Variants in COL23A1 observed in about 807,000 individuals in gnomAD.
COL23A1 encodes collagen alpha-1(XXIII) chain.
COL23A1 carries 97 observed loss-of-function variants against 99.3 expected under a neutral mutation model. That is an observed-to-expected ratio of 0.98 (90% CI 0.83 to 1.16). The LOEUF (loss-of-function observed/expected upper bound fraction) is 1.16. Among genes scored for constraint, COL23A1 ranks in the 50% most tolerant of loss-of-function variants. The pLI is 0.00. For missense variants in COL23A1, 762 were observed against 757.4 expected (o/e 1.01, Z -0.07); for synonymous variants, 320 against 308.2 (o/e 1.04, Z -0.40).
In COL23A1 at chr5:178,379,085, A is replaced by C. The variant is rs147452774; in HGVS notation, c.362-72166T>G. 5.3e-5 allele frequency among the ~76,000 whole-genome samples: 8 copies of C among 152,268 alleles called. No individual in the cohort carries two copies. In the East Asian group the frequency reaches 1.3e-3, roughly 26 times the overall value. On this transcript the variant is annotated intron_variant, in intron 2 of 28. Coordinates refer to ENST00000390654, the MANE Select transcript of COL23A1 (RefSeq NM_173465.4). The stretch of plus-strand genomic sequence containing the variant: ...TGTCTGGTTATGGGAGCTGCCCCAG[A>C]AGGATTCTGAATTCTGCACACGTCA...
At chr5:178,376,460 A>C (rs1763077290) in intron 2 of COL23A1, among the ~76,000 whole-genome samples, 1 of 152,182 alleles carries the variant, frequency 6.6e-6, no homozygotes, top group Non-Finnish European at 1.5e-5. Flanking sequence ...GAGGCCCCCC[A>C]CTGCCTGGTG....
intron 2 of COL23A1, chr5:178,438,573 T>C (rs1336362476): frequency 6.6e-6 from 1 of 152,158 alleles, no homozygotes; most frequent in Non-Finnish European, 1.5e-5. Flanking sequence ...CAAAAATACC[T>C]TGAAATTCCT....
At chr5:178,317,892 G>C (rs1179277417) in intron 2 of COL23A1, among the ~76,000 whole-genome samples, 1 of 152,130 alleles carries the variant, frequency 6.6e-6, no homozygotes, top group Admixed American at 6.5e-5. Flanking sequence ...CCAAGCAAAA[G>C]GGGAAACCCC....
rs765379777 is a variant in COL23A1 at position 178,252,621 on chromosome 5, C to T, written c.961-24G>A. ...CCCTGTGTGTGAGAGTGAAGCCGGTCAGTGTCATGGGTTAGGCAGGGCCTC... is the reference window on the plus strand; with the variant it reads ...CCCTGTGTGTGAGAGTGAAGCCGGTTAGTGTCATGGGTTAGGCAGGGCCTC... On this transcript the variant is annotated intron_variant, in intron 16 of 28. Coordinates refer to ENST00000390654, the MANE Select transcript of COL23A1 (RefSeq NM_173465.4). The T allele has an allele frequency of 3.0e-5, 48 of 1,600,396 alleles. No individual in the cohort carries two copies. In the South Asian group the frequency reaches 5.0e-4, roughly 17 times the overall value.
At chr5:178,404,581 C>T (rs955753215) in intron 2 of COL23A1, among the ~76,000 whole-genome samples, 24 of 64,540 alleles carry the variant, frequency 3.7e-4, no homozygotes, top group Non-Finnish European at 5.1e-4. Context: ...TGGCCCAGCC[C>T]CTCCATTGGT....
intron 2 of COL23A1, among the ~76,000 whole-genome samples, chr5:178,442,547 T>C (rs7700511): frequency 0.64 from 96,975 of 152,116 alleles, 33,224 homozygotes; most frequent in African/African-American, 0.91. Flanking sequence ...CAGTCTGCCA[T>C]TCGGGGAGCA....
intron 2 of COL23A1, among the ~76,000 whole-genome samples, chr5:178,319,201 C>T (rs1031167422): frequency 2.0e-5 from 3 of 152,102 alleles, no homozygotes; most frequent in African/African-American, 7.2e-5. Flanking sequence ...GTAAGCTTTG[C>T]CCCAGAGCCT....
chr5:178,463,377 A>G (rs904943380), intron 2 of COL23A1, among the ~76,000 whole-genome samples: 13 of 152,214 alleles, frequency 8.5e-5, no homozygotes, highest in African/African-American at 2.9e-4. Flanking sequence ...TGGATTTGGT[A>G]TTCTCTTCCT....
rs561074759 is a variant in COL23A1 at position 178,387,635 on chromosome 5, A to T, written c.362-80716T>A. Among the ~76,000 whole-genome samples, 17 of 152,290 alleles carry T rather than the reference A, an allele frequency of 1.1e-4. No homozygotes were observed. The highest frequency in any genetic ancestry group is 4.1e-4 in the African/African-American group (17 of 41,564). On this transcript the variant is annotated intron_variant, in intron 2 of 28. Coordinates refer to ENST00000390654, the MANE Select transcript of COL23A1 (RefSeq NM_173465.4). This position sits in a 1 kb window ranked among gnomAD's most constrained non-coding sequence, Gnocchi z 4.7. ...GACCAATAACTTCTAGAGGCTCATG[A>T]CCATTTACCTTTTATCCCCAGTACG...
intron 1 of COL23A1, among the ~76,000 whole-genome samples, chr5:178,582,951 T>A (rs962920979): frequency 1.3e-5 from 2 of 152,198 alleles, no homozygotes; most frequent in South Asian, 2.1e-4. Flanking sequence ...TTCGCAGACA[T>A]TCGTCCCTTT....
intron 1 of COL23A1, among the ~76,000 whole-genome samples, chr5:178,576,986 C>T (rs1763401128): frequency 6.6e-6 from 1 of 151,946 alleles, no homozygotes; most frequent in Admixed American, 6.5e-5. Flanking sequence ...GCCCGGGGAG[C>T]GGCCCCTCCT....
intron 2 of COL23A1, among the ~76,000 whole-genome samples, chr5:178,352,477 G>A (rs1292567429): frequency 3.9e-5 from 6 of 152,174 alleles, no homozygotes; most frequent in East Asian, 3.8e-4. Context: ...GAGCAACTGC[G>A]CTTACAATTC....
chr5:178,314,660 G>A (rs773163439), intron 2 of COL23A1, among the ~76,000 whole-genome samples: 3 of 152,172 alleles, frequency 2.0e-5, no homozygotes, highest in Non-Finnish European at 4.4e-5. Flanking sequence ...AAGAGCCGCC[G>A]GCACCATTTA....
At chr5:178,277,671 G>A (rs527713555) in intron 5 of COL23A1, among the ~76,000 whole-genome samples, 119 of 152,334 alleles carry the variant, frequency 7.8e-4, no homozygotes, top group African/African-American at 2.7e-3. Flanking sequence ...TTGGGGAGAG[G>A]ACCTGCTCGG....
intron 5 of COL23A1, among the ~76,000 whole-genome samples, chr5:178,285,274 C>T (rs1045845103): frequency 6.6e-6 from 1 of 152,168 alleles, no homozygotes; most frequent in African/African-American, 2.4e-5. Context: ...TCTCCACCAC[C>T]AGAGTCTCCT....
intron 2 of COL23A1, among the ~76,000 whole-genome samples, chr5:178,444,097 T>C (rs1767031778): frequency 6.6e-6 from 1 of 151,930 alleles, no homozygotes; most frequent in Non-Finnish European, 1.5e-5. Context: ...TCCCAGCTAC[T>C]TGGGAGGTTG....
chr5:178,369,162 G>A (rs1181033959), intron 2 of COL23A1, among the ~76,000 whole-genome samples: 1 of 152,224 alleles, frequency 6.6e-6, no homozygotes, highest in African/African-American at 2.4e-5. Flanking sequence ...AGCACAGCTA[G>A]GCAGGCCTCA....
At chr5:178,456,524 G>A (rs923626095) in intron 2 of COL23A1, among the ~76,000 whole-genome samples, 2 of 151,988 alleles carry the variant, frequency 1.3e-5, no homozygotes, top group Non-Finnish European at 2.9e-5. Context: ...CATGCAGAAA[G>A]CCCGTCTCTA....
chr5:178,260,838 A>C (rs1765585967), intron 11 of COL23A1, among the ~76,000 whole-genome samples: 1 of 152,218 alleles, frequency 6.6e-6, no homozygotes, highest in South Asian at 2.1e-4. Context: ...GCTAGGGAGA[A>C]CGAGGGATGA....
Sources: allele counts gnomAD v4.1 joint callset (sites outside exome capture counted in the v4.1 genomes callset), GRCh38; gene constraint gnomAD v4.1.1; non-coding constraint Gnocchi (gnomAD v3.1); transcripts MANE v1.5; gene names NCBI Gene and HGNC (gene_info 2026-07-23, HGNC 2026-07-21).